The following KIF26B variants were observed in gnomAD, a reference collection of about 807,000 sequenced individuals.
KIF26B encodes the protein kinesin-like protein KIF26B.
KIF26B carries 63 observed loss-of-function variants against 151.2 expected under a neutral mutation model. The ratio of observed to expected loss-of-function variants is 0.42; its 90% CI spans 0.34 to 0.51. The LOEUF is 0.51. KIF26B is among the 20% of genes least tolerant of loss of function. KIF26B has a pLI of 0.07. For synonymous variants in KIF26B, 1,357 were observed against 1,262.1 expected (o/e 1.08, Z -1.59); for missense variants, 2,813 against 2,913.6 (o/e 0.97, Z 0.79).
rs796238669 is a variant in KIF26B, at chr1:245,170,296, C to T, written c.465+13613C>T. ...GAGCTTAGTCTAGGCATTTATGGGTCGGCTGGTTTGAGGGTCCTTGCATTT... is the reference window on the plus strand; with the variant it reads ...GAGCTTAGTCTAGGCATTTATGGGTTGGCTGGTTTGAGGGTCCTTGCATTT... On this transcript the variant is annotated intron_variant, in intron 2 of 14. Transcript: ENST00000407071. The surrounding 1 kb of genome is among the most constrained non-coding windows in gnomAD (Gnocchi z 4.4). Among the ~76,000 whole-genome samples, 7 of 152,156 alleles carry T rather than the reference C, an allele frequency of 4.6e-5. No individual in the cohort carries two copies. The highest frequency in any genetic ancestry group is 1.7e-4 in the African/African-American group (7 of 41,458).
At chr1:245,235,533 C>T (rs1670089249) in intron 2 of KIF26B, among the ~76,000 whole-genome samples, 1 of 151,862 alleles carries the variant, frequency 6.6e-6, no homozygotes, top group South Asian at 2.1e-4. Flanking sequence ...TTTGAGGTTG[C>T]AATGAGCTAT....
At chr1:245,555,347 T>C (rs1169390945) in intron 5 of KIF26B, among the ~76,000 whole-genome samples, 2 of 152,282 alleles carry the variant, frequency 1.3e-5, no homozygotes, top group South Asian at 2.1e-4. Context: ...CTAAGATCTC[T>C]CGAGTGCTCC....
At position 245,686,757 on chromosome 1, in the gene KIF26B, C is replaced by T. The variant is rs375449474; in HGVS notation, c.3774C>T (p.Pro1258=). ...AGGTCAGCATCACACAGTTCTTGCC[C>T]CTCCCGAAGATGAGCCTGGATGAGA... is the stretch of plus-strand genomic sequence containing the variant. ...VSEVSITQFL[P]LPKMSLDEKA... The change falls in exon 12 of 15, where the codon CCC becomes CCT. Residue 1258 remains proline, a synonymous_variant. Transcript: ENST00000407071. The surrounding 1 kb of genome is among the most constrained non-coding windows in gnomAD (Gnocchi z 5.6). The T allele has an allele frequency of 9.9e-6, 16 of 1,613,480 alleles. No individual in the cohort carries two copies. The African/African-American group carries it at 2.0e-4, about 20-fold the overall frequency.
intron 10 of KIF26B, among the ~76,000 whole-genome samples, chr1:245,660,870 T>C (rs1357190176): frequency 1.3e-5 from 2 of 151,920 alleles, no homozygotes; most frequent in Non-Finnish European, 2.9e-5. Flanking sequence ...AGCTGGAGTG[T>C]AGTGGTGCGA....
At chr1:245,692,083 A>G (rs1008520687) in intron 12 of KIF26B, among the ~76,000 whole-genome samples, 6 of 152,198 alleles carry the variant, frequency 3.9e-5, no homozygotes, top group African/African-American at 1.4e-4. Context: ...GACTATGCAG[A>G]TAATTTAAAT....
At chr1:245,312,447 CTT>C (rs1365222770) in intron 2 of KIF26B, among the ~76,000 whole-genome samples, 1 of 152,098 alleles carries the variant, frequency 6.6e-6, no homozygotes, top group Non-Finnish European at 1.5e-5. Flanking sequence ...GTTTGCCTCT[CTT>C]TTTGTGTGTA....
intron 10 of KIF26B, among the ~76,000 whole-genome samples, chr1:245,659,777 A>G (rs6689722): frequency 0.57 from 86,299 of 151,778 alleles, 25,159 homozygotes; most frequent in African/African-American, 0.68. Flanking sequence ...GGTGGCTCAC[A>G]CCTGTAATCC....
intron 4 of KIF26B, among the ~76,000 whole-genome samples, chr1:245,434,256 A>T (rs1269626623): frequency 1.3e-5 from 2 of 152,226 alleles, no homozygotes; most frequent in South Asian, 4.1e-4. Flanking sequence ...TACCACCTAA[A>T]AGTGTTCAGC....
intron 12 of KIF26B, among the ~76,000 whole-genome samples, chr1:245,692,593 A>T (rs931172676): frequency 6.6e-6 from 1 of 152,148 alleles, no homozygotes; most frequent in East Asian, 1.9e-4. Flanking sequence ...AAGCAGAGCA[A>T]GACGCTAGCA....
At chr1:245,395,170 A>G (rs1027229934) in intron 3 of KIF26B, among the ~76,000 whole-genome samples, 2 of 152,192 alleles carry the variant, frequency 1.3e-5, no homozygotes, top group African/African-American at 4.8e-5. Context: ...ATAATGTAAT[A>G]CTAGGTTCAA....
intron 5 of KIF26B, among the ~76,000 whole-genome samples, chr1:245,588,668 C>G (rs964062805): frequency 2.0e-5 from 3 of 152,192 alleles, no homozygotes; most frequent in Admixed American, 6.5e-5. Context: ...AATGAAGGAA[C>G]TCTTACGTGG....
intron 2 of KIF26B, among the ~76,000 whole-genome samples, chr1:245,332,088 T>G (rs553955623): frequency 7.9e-5 from 12 of 152,324 alleles, no homozygotes; most frequent in African/African-American, 2.9e-4. Context: ...ATGGCACCAC[T>G]GCATTCCAGC....
intron 2 of KIF26B, among the ~76,000 whole-genome samples, chr1:245,262,572 AG>A (rs1670667156): frequency 6.6e-6 from 1 of 151,966 alleles, no homozygotes; most frequent in Non-Finnish European, 1.5e-5. Context: ...CTCCTGCCTC[AG>A]GCTCCCGAAT....
At chr1:245,649,889 A>G (rs925901010) in intron 10 of KIF26B, among the ~76,000 whole-genome samples, 8 of 152,142 alleles carry the variant, frequency 5.3e-5, no homozygotes, top group African/African-American at 9.7e-5. Flanking sequence ...TGGATTCATT[A>G]CCCATCCCAG....
chr1:245,307,522 CAAATT>C (rs1373683865), intron 2 of KIF26B, among the ~76,000 whole-genome samples: 3 of 152,130 alleles, frequency 2.0e-5, no homozygotes, highest in Non-Finnish European at 4.4e-5. Context: ...ATATATTTAT[CAAATT>C]AAAAGTATTT....
intron 5 of KIF26B, among the ~76,000 whole-genome samples, chr1:245,578,468 G>A (rs6428936): frequency 0.092 from 13,992 of 152,230 alleles, 785 homozygotes; most frequent in Middle Eastern, 0.16. Context: ...CCTTTAAGTC[G>A]GCTCACATTT....
At chr1:245,489,072 A>AAGACATGGAACGGAT (rs1228595514) in intron 4 of KIF26B, among the ~76,000 whole-genome samples, 2 of 152,222 alleles carry the variant, frequency 1.3e-5, no homozygotes, top group Non-Finnish European at 2.9e-5. Context: ...CAATCACTGC[A>AAGACATGGAACGGAT]AGACATGGAA....
chr1:245,609,546 C>G lies in KIF26B; in HGVS notation c.1914+18C>G. 2.0e-6 allele frequency: 3 copies of G among 1,507,470 alleles called. No homozygotes were observed. Among genetic ancestry groups the G allele is most frequent in the East Asian group, 2.3e-5 (1 of 42,576 alleles). 93.4% of individuals were successfully genotyped at this position (1,507,470 alleles called of 1,614,324 possible). On this transcript the variant is annotated intron_variant, in intron 8 of 14. Transcript: ENST00000407071. ...GCACGCAGGTGATTGCTTCTGAAGC[C>G]TGGCTCGCCCCAAGGTGGCTCCCTC...
chr1:245,175,904 A>ATATATC (rs151223228), intron 2 of KIF26B, among the ~76,000 whole-genome samples: 51 of 149,556 alleles, frequency 3.4e-4, no homozygotes, highest in Middle Eastern at 3.5e-3. Context: ...CTCAAAACAT[A>ATATATC]TATATCTATA....
Sources: gnomAD v4.1 joint callset for allele counts (sites outside exome capture counted in the v4.1 genomes callset) on GRCh38, gnomAD v4.1.1 for gene constraint, Gnocchi (gnomAD v3.1) non-coding constraint, MANE v1.5 for transcripts, NCBI Gene and HGNC (gene_info 2026-07-23, HGNC 2026-07-21) for gene names.